The following ATRNL1 variants were observed in gnomAD, a reference collection of about 807,000 sequenced individuals.
ATRNL1 encodes the protein attractin-like protein 1.
ATRNL1 carries 95 observed loss-of-function variants against 182.7 expected under a neutral mutation model. The observed-to-expected ratio is 0.52, with a 90% CI of 0.44 to 0.62. The LOEUF (loss-of-function observed/expected upper bound fraction) is 0.62, where lower values mean the gene tolerates loss of function less well. ATRNL1 is among the 20% of genes least tolerant of loss of function. The pLI is 0.00. For synonymous variants in ATRNL1, 576 were observed against 568.3 expected (o/e 1.01, Z -0.19); for missense variants, 1,471 against 1,679.5 (o/e 0.88, Z 2.17).
intron 19 of ATRNL1, among the ~76,000 whole-genome samples, chr10:115,392,353 C>T (rs1844072020): frequency 6.6e-6 from 1 of 151,828 alleles, no homozygotes; most frequent in African/African-American, 2.4e-5. Context: ...TACATTTTTC[C>T]CTTGATCTTG....
chr10:115,180,176 T>A (rs894152580), intron 8 of ATRNL1, among the ~76,000 whole-genome samples: 6 of 152,110 alleles, frequency 3.9e-5, no homozygotes, highest in East Asian at 3.9e-4. Flanking sequence ...CATGTTAATT[T>A]AAAAAAATTG....
chr10:115,490,085 A>G (rs1379229626), intron 24 of ATRNL1, among the ~76,000 whole-genome samples: 3 of 152,194 alleles, frequency 2.0e-5, no homozygotes, highest in African/African-American at 7.2e-5. Context: ...GTGTCTGCCA[A>G]CATATCCACT....
At chr10:115,445,153 G>A (rs1316839379) in intron 21 of ATRNL1, among the ~76,000 whole-genome samples, 1 of 151,160 alleles carries the variant, frequency 6.6e-6, no homozygotes, top group Non-Finnish European at 1.5e-5. Flanking sequence ...TGGCTGCTGG[G>A]CAAAATGGCT....
intron 8 of ATRNL1, among the ~76,000 whole-genome samples, chr10:115,207,730 A>G (rs991499211): frequency 6.6e-6 from 1 of 151,872 alleles, no homozygotes; most frequent in Non-Finnish European, 1.5e-5. Context: ...CTGACTTGCA[A>G]GTGGTTTCTG....
chr10:115,378,717 C>A (rs1184423025), intron 19 of ATRNL1, among the ~76,000 whole-genome samples: 1 of 152,108 alleles, frequency 6.6e-6, no homozygotes, highest in Non-Finnish European at 1.5e-5. Flanking sequence ...CAGCAAGTCT[C>A]CCAGTGTTTT....
chr10:115,357,034 A>T (rs1472014063), intron 19 of ATRNL1, among the ~76,000 whole-genome samples: 5 of 151,874 alleles, frequency 3.3e-5, no homozygotes, highest in African/African-American at 9.7e-5. Flanking sequence ...ATTTGATGTG[A>T]TGCTTAGCCC....
chr10:115,363,677 T>C (rs1856869387), intron 19 of ATRNL1, among the ~76,000 whole-genome samples: 1 of 152,138 alleles, frequency 6.6e-6, no homozygotes, highest in Non-Finnish European at 1.5e-5. Flanking sequence ...CTTTAGTCCA[T>C]CTTCAATTGA....
chr10:115,923,358 C>T (rs1953124919), intron 28 of ATRNL1, among the ~76,000 whole-genome samples: 1 of 152,084 alleles, frequency 6.6e-6, no homozygotes, highest in Non-Finnish European at 1.5e-5. Context: ...ATACCTGTGC[C>T]ATGGTGGTTT....
intron 26 of ATRNL1, among the ~76,000 whole-genome samples, chr10:115,647,176 C>T (rs1326560573): frequency 6.6e-6 from 1 of 152,098 alleles, no homozygotes; most frequent in Non-Finnish European, 1.5e-5. Flanking sequence ...ATATGTGCCA[C>T]ATTTTCTTAA....
intron 5 of ATRNL1, among the ~76,000 whole-genome samples, chr10:115,156,294 C>T (rs1203233521): frequency 6.6e-6 from 1 of 152,092 alleles, no homozygotes; most frequent in Non-Finnish European, 1.5e-5. Context: ...TTAAGAATGG[C>T]ACCAAAGTTT....
chr10:115,232,896 A>G (rs1378275234), intron 9 of ATRNL1, among the ~76,000 whole-genome samples: 2 of 152,144 alleles, frequency 1.3e-5, no homozygotes, highest in Non-Finnish European at 2.9e-5. Flanking sequence ...ACTATCATAG[A>G]CTTGGAGGCT....
intron 27 of ATRNL1, among the ~76,000 whole-genome samples, chr10:115,771,490 AAAGTGCTGG>A (rs1948991043): frequency 3.9e-5 from 6 of 152,264 alleles, no homozygotes; most frequent in Admixed American, 3.9e-4. Context: ...TAGGCCTCCC[AAAGTGCTGG>A]GATTACAGGC....
At chr10:115,611,053 A>C (rs1048366593) in intron 26 of ATRNL1, among the ~76,000 whole-genome samples, 11 of 94,276 alleles carry the variant, frequency 1.2e-4, no homozygotes, top group Non-Finnish European at 2.1e-4. Context: ...TTTTCAAAGG[A>C]CTTTTTTTTT....
At chr10:115,530,131 G>A (rs1851478804) in intron 25 of ATRNL1, among the ~76,000 whole-genome samples, 1 of 152,016 alleles carries the variant, frequency 6.6e-6, no homozygotes, top group African/African-American at 2.4e-5. Flanking sequence ...TTAGTTGATG[G>A]TTATTTGAGT....
intron 27 of ATRNL1, among the ~76,000 whole-genome samples, chr10:115,758,064 C>T (rs1948636613): frequency 2.0e-5 from 3 of 151,738 alleles, no homozygotes; most frequent in South Asian, 2.1e-4. Context: ...TTCATATAAC[C>T]TTTTTTTCCA....
intron 27 of ATRNL1, among the ~76,000 whole-genome samples, chr10:115,785,103 T>C (rs567181187): frequency 6.6e-5 from 10 of 152,304 alleles, no homozygotes; most frequent in Admixed American, 3.3e-4. Flanking sequence ...AGACTGTGAG[T>C]ATGATCTATC....
chr10:115,293,993 T>C (rs1853053712), intron 15 of ATRNL1, among the ~76,000 whole-genome samples: 1 of 152,214 alleles, frequency 6.6e-6, no homozygotes, highest in Non-Finnish European at 1.5e-5. Context: ...GACCTGCATG[T>C]CCATTTCTTT....
rs115746281 is a variant in ATRNL1 at position 115,284,455 on chromosome 10, A to G, written c.2234-1761A>G. Among the ~76,000 whole-genome samples the G allele has an allele frequency of 8.4e-3, 1,274 of 152,320 alleles. 13 individuals carry two copies. The highest frequency in any genetic ancestry group is 0.028 in the African/African-American group (1,164 of 41,570). ...AAAAGGACTGTGAAAATTGAAACAC[A>G]TATAGCTTCAAACTGAAAACCAGGG... On this transcript the variant is annotated intron_variant, in intron 14 of 28. Coordinates refer to ENST00000355044, the MANE Select transcript of ATRNL1 (RefSeq NM_207303.4).
intron 28 of ATRNL1, among the ~76,000 whole-genome samples, chr10:115,895,422 G>A (rs962276528): frequency 3.9e-5 from 6 of 152,220 alleles, no homozygotes; most frequent in East Asian, 3.8e-4. Flanking sequence ...TCATCCTGCC[G>A]TTCTAATGTG....
Sources: allele counts gnomAD v4.1 joint callset (sites outside exome capture counted in the v4.1 genomes callset), GRCh38; gene constraint gnomAD v4.1.1; transcripts MANE v1.5; gene names NCBI Gene and HGNC (gene_info 2026-07-23, HGNC 2026-07-21).